The following SCN2A variants were observed in gnomAD, a reference collection of about 807,000 sequenced individuals.
SCN2A encodes the protein sodium channel protein type 2 subunit alpha.
SCN2A carries 20 observed loss-of-function variants against 188.7 expected under a neutral mutation model. The ratio of observed to expected loss-of-function variants is 0.11; its 90% CI spans 0.07 to 0.15. SCN2A has a LOEUF of 0.15. Among genes scored for constraint, SCN2A ranks in the 10% least tolerant of loss-of-function variants. The pLI, the probability that SCN2A is intolerant of heterozygous loss-of-function variation, is 1.00. For synonymous variants in SCN2A, 804 were observed against 833.1 expected (o/e 0.97, Z 0.60); for missense variants, 1,278 against 2,445.0 (o/e 0.52, Z 10.07).
intron 25 of SCN2A, among the ~76,000 whole-genome samples, chr2:165,384,611 A>G (rs1234264669): frequency 6.6e-6 from 1 of 152,142 alleles, no homozygotes; most frequent in African/African-American, 2.4e-5. Context: ...GCCATATCTG[A>G]GAGAAAAATG....
chr2:165,382,575 C>T (rs754680316), intron 25 of SCN2A, among the ~76,000 whole-genome samples: 8 of 151,912 alleles, frequency 5.3e-5, no homozygotes, highest in Non-Finnish European at 8.8e-5. Flanking sequence ...CACAATAACC[C>T]ATACCTCGAC....
chr2:165,317,994 C>T (rs1209381375), intron 11 of SCN2A, among the ~76,000 whole-genome samples: 1 of 152,068 alleles, frequency 6.6e-6, no homozygotes, highest in Non-Finnish European at 1.5e-5. Context: ...ATCACACCAA[C>T]CCCACTTGGC....
chr2:165,388,927 G>C lies in SCN2A; in HGVS notation c.5121G>C (p.Leu1707=). 1 of 1,614,108 alleles carries C rather than the reference G, an allele frequency of 6.2e-7. No individual in the cohort carries two copies. Among genetic ancestry groups the C allele is most frequent in the South Asian group, 1.1e-5 (1 of 91,082 alleles). ...CCTTTGGCAACAGCATGATCTGCCT[G>C]TTCCAAATTACAACCTCTGCTGGCT... ...FETFGNSMIC[L]FQITTSAGWD... Residue 1707 remains leucine (L), a synonymous_variant, in exon 27 of 27, where the codon CTG becomes CTC. Coordinates refer to ENST00000375437, the MANE Select transcript of SCN2A (RefSeq NM_001040142.2).
At chr2:165,343,037 C>A (rs1479143942) in intron 15 of SCN2A, among the ~76,000 whole-genome samples, 1 of 152,128 alleles carries the variant, frequency 6.6e-6, no homozygotes, top group Non-Finnish European at 1.5e-5. Context: ...AAGAAAGTAT[C>A]TTTCTTTGAT....
At chr2:165,341,288 T>C (rs1699302605) in intron 14 of SCN2A, among the ~76,000 whole-genome samples, 1 of 151,220 alleles carries the variant, frequency 6.6e-6, no homozygotes, top group Non-Finnish European at 1.5e-5. Flanking sequence ...AGAGAAGAGG[T>C]TTCACCGTGT....
intron 20 of SCN2A, chr2:165,370,668 A>T (rs553531217): frequency 8.3e-5 from 20 of 240,720 alleles, no homozygotes; most frequent in Middle Eastern, 1.7e-3. Context: ...GTTTGTCATC[A>T]CTAAAGCCTG....
chr2:165,295,706 C>T lies in SCN2A; in HGVS notation c.-51-67C>T, dbSNP rs1696469350. The T allele has an allele frequency of 2.8e-6, 4 of 1,450,530 alleles. No individual in the cohort carries two copies. In the South Asian group the frequency reaches 3.6e-5, roughly 13 times the overall value. The allele number at this position is 1,450,530 out of a possible 1,614,324, so 89.9% of individuals were successfully genotyped here. A position where few individuals can be genotyped will look rare whatever the true frequency, so the allele number is the denominator to read the frequency against. ...TATGCTGTATCTCAGTGCTCAGTGTCATGTAACTGACACAATCACCTTTTA... is the reference window on the plus strand; with the variant it reads ...TATGCTGTATCTCAGTGCTCAGTGTTATGTAACTGACACAATCACCTTTTA... On this transcript the variant is annotated intron_variant, in intron 1 of 26. Transcript: ENST00000375437.
chr2:165,288,483 T>C (rs1319329928), intron 1 of SCN2A, among the ~76,000 whole-genome samples: 2 of 151,224 alleles, frequency 1.3e-5, no homozygotes, highest in African/African-American at 4.9e-5. Flanking sequence ...ATGCACCTAA[T>C]ATAAAAATAA....
Position 165,386,928 on chromosome 2 carries a change from T to C in SCN2A, c.4734T>C (p.Cys1578=). 6.2e-7 allele frequency: 1 copy of C among 1,613,968 alleles called. No homozygotes were observed. ...TTATTGTTCTGTTCACTGGAGAATG[T>C]GTGCTGAAACTGATCTCTCTTCGTT... ...LVFIVLFTGE[C]VLKLISLRYY... The change falls in exon 26 of 27, where the codon TGT becomes TGC. Residue 1578 remains cysteine (C), a synonymous_variant. Coordinates refer to ENST00000375437, the MANE Select transcript of SCN2A (RefSeq NM_001040142.2).
At chr2:165,363,776 A>C (rs1173385426) in intron 17 of SCN2A, among the ~76,000 whole-genome samples, 1 of 152,138 alleles carries the variant, frequency 6.6e-6, no homozygotes, top group Admixed American at 6.5e-5. Flanking sequence ...CTTATAATAT[A>C]TAATCTTTGA....
chr2:165,326,502 C>T (rs1253802844), intron 12 of SCN2A, among the ~76,000 whole-genome samples: 2 of 152,062 alleles, frequency 1.3e-5, no homozygotes, highest in Non-Finnish European at 2.9e-5. Flanking sequence ...AAAACTCAAC[C>T]TGGGTGAAAA....
intron 16 of SCN2A, among the ~76,000 whole-genome samples, chr2:165,349,021 T>C (rs1029464664): frequency 6.6e-6 from 1 of 152,104 alleles, no homozygotes; most frequent in Non-Finnish European, 1.5e-5. Flanking sequence ...GCTACTATAA[T>C]CCCCAAGACA....
At chr2:165,374,071 T>G (rs558931436) in intron 21 of SCN2A, among the ~76,000 whole-genome samples, 6 of 152,150 alleles carry the variant, frequency 3.9e-5, no homozygotes, top group Non-Finnish European at 8.8e-5. Flanking sequence ...AAATAGTTAC[T>G]TAGACTTTAT....
intron 11 of SCN2A, among the ~76,000 whole-genome samples, chr2:165,319,899 CA>C (rs1697982120): frequency 6.6e-6 from 1 of 152,166 alleles, no homozygotes; most frequent in South Asian, 2.1e-4. Context: ...CGGCCCCTCC[CA>C]AATCTCATGT....
At position 165,386,991 on chromosome 2, in the gene SCN2A, T is replaced by C. The variant is rs748082217; in HGVS notation, c.4797T>C (p.Phe1599=). 1.1e-5 allele frequency: 18 copies of C among 1,613,844 alleles called. No individual in the cohort carries two copies. The South Asian group carries it at 1.9e-4, about 17-fold the overall frequency. ...CTATTGGATGGAATATTTTTGATTT[T>C]GTGGTGGTCATTCTCTCCATTGTAG... is the stretch of plus-strand genomic sequence containing the variant. ...YFTIGWNIFD[F]VVVILSIVGM... The change falls in exon 26 of 27, where the codon TTT becomes TTC. Residue 1599 remains phenylalanine (F), a synonymous_variant. Transcript: ENST00000375437.
At chr2:165,276,753 A>C (rs912116359) in intron 1 of SCN2A, among the ~76,000 whole-genome samples, 1 of 152,196 alleles carries the variant, frequency 6.6e-6, no homozygotes, top group Non-Finnish European at 1.5e-5. Flanking sequence ...GTTTTTCATC[A>C]AGCCCAGTAA....
intron 1 of SCN2A, chr2:165,285,575 G>C: frequency 8.9e-6 from 2 of 225,348 alleles, no homozygotes. Flanking sequence ...AGTACTTTAA[G>C]AAGTTTTTTG....
At chr2:165,242,877 G>A (rs1693681783) in intron 1 of SCN2A, among the ~76,000 whole-genome samples, 1 of 152,186 alleles carries the variant, frequency 6.6e-6, no homozygotes, top group African/African-American at 2.4e-5. Flanking sequence ...AACTCACTTT[G>A]GGTGGCCTGT....
At chr2:165,315,412 A>G (rs1697681517) in intron 10 of SCN2A, 59 bp from the exon 11 acceptor site, 11 of 1,608,536 alleles carry the variant, frequency 6.8e-6, no homozygotes, top group Non-Finnish European at 9.3e-6. Context: ...ATTAAGCAGT[A>G]ACATGATAAT....
Sources: allele counts gnomAD v4.1 joint callset (sites outside exome capture counted in the v4.1 genomes callset), GRCh38; gene constraint gnomAD v4.1.1; transcripts MANE v1.5; gene names NCBI Gene and HGNC (gene_info 2026-07-23, HGNC 2026-07-21).